The following GNA12 variants were observed in gnomAD, a reference collection of about 807,000 sequenced individuals.
GNA12 encodes G protein subunit alpha 12.
Under a neutral mutation model 26.0 loss-of-function variants are expected in GNA12, and 9 were observed. The ratio of observed to expected loss-of-function variants is 0.35; its 90% CI spans 0.21 to 0.60. The LOEUF (loss-of-function observed/expected upper bound fraction) is 0.60. Ranked by LOEUF, GNA12 falls within the 20% of genes least tolerant of loss-of-function variation. The pLI is 0.78. For synonymous variants in GNA12, 264 were observed against 219.6 expected, an observed-to-expected ratio of 1.20 and a Z score of -1.79; for missense variants, 405 against 525.8, an observed-to-expected ratio of 0.77 and a Z score of 2.25.
At chr7:2,746,176 G>C (rs372904949) in intron 2 of GNA12, among the ~76,000 whole-genome samples, 9 of 152,176 alleles carry the variant, frequency 5.9e-5, no homozygotes, top group African/African-American at 2.2e-4. Context: ...AGACCTAATA[G>C]ACATCTACGG....
In GNA12 at chr7:2,795,128, C is replaced by A; in HGVS notation, c.325G>T (p.Val109Phe). The A allele has an allele frequency of 6.2e-7, 1 of 1,612,534 alleles. No homozygotes were observed. The highest frequency in any genetic ancestry group is 8.5e-7 in the Non-Finnish European group (1 of 1,178,690). Residue 109 changes from valine to phenylalanine, a missense_variant, in exon 2 of 4, where the codon GTT becomes TTT. Physicochemically the swap from Val to Phe is conservative, Grantham distance 50. Coordinates refer to ENST00000275364, the MANE Select transcript of GNA12 (RefSeq NM_007353.3). ...ATGCCAAGCTTATCTCGTGCATCAA[C>A]AAGAACCCTTGAGCCCTAGAAAATA... ...DNILKGSRVL[V>F]DARDKLGIPW...
At chr7:2,835,704 G>A (rs139967401) in intron 1 of GNA12, 11 of 999,796 alleles carry the variant, frequency 1.1e-5, no homozygotes, top group South Asian at 2.6e-5. Context: ...AATTTGCATG[G>A]AATACAAGTA....
At chr7:2,750,126 G>C (rs62441392) in intron 2 of GNA12, among the ~76,000 whole-genome samples, 2,124 of 152,232 alleles carry the variant, frequency 0.014, 21 homozygotes, top group Non-Finnish European at 0.023. Flanking sequence ...TAATCCACAG[G>C]TCAAAGAAGT....
intron 1 of GNA12, among the ~76,000 whole-genome samples, chr7:2,843,005 TA>T (rs1779045162): frequency 6.6e-6 from 1 of 152,186 alleles, no homozygotes; most frequent in Non-Finnish European, 1.5e-5. Context: ...GAAGTTTTCG[TA>T]TTAGAAAGTG....
chr7:2,781,312 A>G (rs1417383520), intron 2 of GNA12, among the ~76,000 whole-genome samples: 1 of 152,052 alleles, frequency 6.6e-6, no homozygotes, highest in Non-Finnish European at 1.5e-5. Flanking sequence ...AGATTCTCTC[A>G]TATATATGTG....
At chr7:2,794,659 G>T in intron 2 of GNA12, 3 of 470,978 alleles carry the variant, frequency 6.4e-6, no homozygotes, top group Non-Finnish European at 1.1e-5. Flanking sequence ...TTCTCGGGTT[G>T]TGCCAATGCT....
intron 1 of GNA12, among the ~76,000 whole-genome samples, chr7:2,827,790 G>C (rs557429679): frequency 6.6e-6 from 1 of 152,234 alleles, no homozygotes; most frequent in African/African-American, 2.4e-5. Context: ...TCTATCATGA[G>C]GTATTGCTAA....
chr7:2,817,106 TTTTA>T (rs766628565), intron 1 of GNA12, among the ~76,000 whole-genome samples: 6 of 152,206 alleles, frequency 3.9e-5, no homozygotes, highest in South Asian at 4.1e-4. Flanking sequence ...TCCACTTTAT[TTTTA>T]TTTATTTATT....
chr7:2,737,875 G>C (rs550100567), intron 2 of GNA12, among the ~76,000 whole-genome samples: 5 of 152,272 alleles, frequency 3.3e-5, no homozygotes, highest in Non-Finnish European at 4.4e-5. Flanking sequence ...CCAAACAACA[G>C]AGAATCTTTC....
intron 2 of GNA12, among the ~76,000 whole-genome samples, chr7:2,782,441 T>C (rs1209637807): frequency 6.6e-6 from 1 of 152,164 alleles, no homozygotes. Flanking sequence ...TGCCTTCTAT[T>C]TTACAAAACT....
At chr7:2,761,266 C>T (rs147944968) in intron 2 of GNA12, among the ~76,000 whole-genome samples, 152 of 152,292 alleles carry the variant, frequency 1.0e-3, no homozygotes, top group Non-Finnish European at 1.8e-3. Flanking sequence ...CCCTCTGGGT[C>T]TCAGTTTCCT....
intron 1 of GNA12, among the ~76,000 whole-genome samples, chr7:2,837,167 C>T (rs1168538132): frequency 6.7e-6 from 1 of 148,540 alleles, no homozygotes; most frequent in Non-Finnish European, 1.5e-5. Flanking sequence ...TCAGCAGGGC[C>T]CAGTGGGGAA....
intron 1 of GNA12, among the ~76,000 whole-genome samples, chr7:2,813,790 G>C (rs1273321851): frequency 6.6e-6 from 1 of 152,174 alleles, no homozygotes; most frequent in African/African-American, 2.4e-5. Context: ...GGACCACGGA[G>C]ATTGTGATGT....
Position 2,795,152 on chromosome 7 carries a change from TA to T in GNA12, c.310-10del. On this transcript the variant is annotated splice_polypyrimidine_tract_variant and intron_variant, in intron 1 of 3. Coordinates refer to ENST00000275364, the MANE Select transcript of GNA12 (RefSeq NM_007353.3). ...ACAAGAACCCTTGAGCCCTAGAAAA[TA>T]AAAGAAAGAAGAGAGGATTTAATTG... 3 of 1,603,016 alleles carry T rather than the reference TA, an allele frequency of 1.9e-6. No individual in the cohort carries two copies. The highest frequency in any genetic ancestry group is 2.6e-6 in the Non-Finnish European group (3 of 1,170,980).
intron 2 of GNA12, among the ~76,000 whole-genome samples, chr7:2,749,469 C>A (rs1046742168): frequency 2.1e-5 from 3 of 142,334 alleles, no homozygotes; most frequent in African/African-American, 8.0e-5. Context: ...AATGACAACA[C>A]ATGGACACGG....
At chr7:2,803,120 T>C (rs150715552) in intron 1 of GNA12, among the ~76,000 whole-genome samples, 2 of 152,256 alleles carry the variant, frequency 1.3e-5, no homozygotes, top group Non-Finnish European at 2.9e-5. Flanking sequence ...GGCGGTAAAC[T>C]TGGCTCCTGC....
chr7:2,834,194 T>C (rs1434104377), intron 1 of GNA12, among the ~76,000 whole-genome samples: 1 of 152,242 alleles, frequency 6.6e-6, no homozygotes, highest in Non-Finnish European at 1.5e-5. Flanking sequence ...CTTTAGTATC[T>C]CTATGTATTC....
chr7:2,789,851 C>G (rs1029638460), intron 2 of GNA12, among the ~76,000 whole-genome samples: 3 of 152,184 alleles, frequency 2.0e-5, no homozygotes, highest in Non-Finnish European at 4.4e-5. Flanking sequence ...AAAAAGGAAC[C>G]AGCACAGAGA....
intron 1 of GNA12, chr7:2,815,139 G>A: frequency 1.4e-6 from 1 of 718,266 alleles, no homozygotes; most frequent in South Asian, 1.9e-5. Context: ...CACTGGAGAA[G>A]GAGCAATACA....
Sources: allele counts gnomAD v4.1 joint callset (sites outside exome capture counted in the v4.1 genomes callset), GRCh38; gene constraint gnomAD v4.1.1; transcripts MANE v1.5; gene names NCBI Gene and HGNC (gene_info 2026-07-23, HGNC 2026-07-21).